BABAM1: variants seen among roughly 807,000 people sequenced by gnomAD.
The protein encoded by BABAM1 is BRISC and BRCA1 A complex member 1, also known as BRISC and BRCA1-A complex member 1.
BABAM1 carries 14 observed loss-of-function variants against 34.4 expected under a neutral mutation model. That is an observed-to-expected ratio of 0.41 (90% CI 0.27 to 0.64). BABAM1 has a LOEUF of 0.64. Ranked by LOEUF, BABAM1 falls within the 30% of genes least tolerant of loss-of-function variation. The pLI is 0.34. For missense variants in BABAM1, 393 were observed against 434.0 expected (o/e 0.91, Z 0.84); for synonymous variants, 169 against 165.8 (o/e 1.02, Z -0.15).
rs2073947091 is a variant in BABAM1 at position 17,279,319 on chromosome 19, A to T, written c.*271A>T. ...CTGTGTGATTTTTGCCATCAAAATA[A>T]AAATTTGAGACTCGTTAACCGAAGT... On this transcript the variant is annotated 3_prime_UTR_variant, in exon 9 of 9. Coordinates refer to ENST00000598188, the MANE Select transcript of BABAM1 (RefSeq NM_014173.4). The T allele has an allele frequency of 2.5e-6, 1 of 397,872 alleles. No homozygotes were observed. The highest frequency in any genetic ancestry group is 4.5e-6 in the Non-Finnish European group (1 of 219,996). 24.6% of individuals were successfully genotyped at this position (397,872 alleles called of 1,614,324 possible). A position where few individuals can be genotyped will look rare whatever the true frequency, so the allele number is the denominator to read the frequency against.
chr19:17,278,397 CT>C (rs1270868603), intron 8 of BABAM1, among the ~76,000 whole-genome samples: 2 of 150,114 alleles, frequency 1.3e-5, no homozygotes, highest in African/African-American at 4.9e-5. Context: ...CCAGCTCCGC[CT>C]CCCGGGTTTG....
rs1258570057 is a variant in BABAM1, at chr19:17,268,950, C to G, written c.144C>G (p.Arg48=). The G allele has an allele frequency of 6.3e-7, 1 of 1,575,040 alleles. No homozygotes were observed. Among genetic ancestry groups the G allele is most frequent in the East Asian group, 2.3e-5 (1 of 42,566 alleles). ...GGGCACAGGCCAGCGTGGGCAGCCG[C>G]AGCGAGGGTGAGGGTGAGGCCGCCA... ...AVGAQASVGS[R]SEGEGEAASA... The change falls in exon 2 of 9, where the codon CGC becomes CGG. Residue 48 remains arginine, a synonymous_variant. Coordinates refer to ENST00000598188, the MANE Select transcript of BABAM1 (RefSeq NM_014173.4).
chr19:17,277,740 G>A (rs775942168), intron 8 of BABAM1, among the ~76,000 whole-genome samples: 10 of 152,182 alleles, frequency 6.6e-5, no homozygotes, highest in Non-Finnish European at 1.2e-4. Context: ...CTAGCCAGGC[G>A]TGGTGGTGTA....
In BABAM1 at chr19:17,274,010, G is replaced by C. The variant is rs533740745; in HGVS notation, c.451G>C (p.Asp151His). ...CGAGTTTGCACTGGTGGTGGTGAAC[G>C]ATGACACGGCCTGGGTGAGGCTGCG... ...SHEFALVVVN[D>H]DTAWLSGLTS... is the part of the protein sequence containing the mutation. Residue 151 changes from aspartate to histidine, a missense_variant, in exon 4 of 9, where the codon GAT (aspartate) becomes CAT (histidine). By Grantham distance (81) the Asp-to-His change is moderately conservative (BLOSUM62 -1). Coordinates refer to ENST00000598188, the MANE Select transcript of BABAM1 (RefSeq NM_014173.4). 1 of 1,613,950 alleles carries C rather than the reference G, an allele frequency of 6.2e-7. No homozygotes were observed.
chr19:17,273,389 G>A (rs1279144991), intron 3 of BABAM1, among the ~76,000 whole-genome samples: 1 of 152,120 alleles, frequency 6.6e-6, no homozygotes, highest in African/African-American at 2.4e-5. Context: ...GGAAACTTGA[G>A]CCCCATGCTG....
At chr19:17,269,571 G>T (rs1480141155) in intron 2 of BABAM1, among the ~76,000 whole-genome samples, 1 of 151,888 alleles carries the variant, frequency 6.6e-6, no homozygotes, top group African/African-American at 2.4e-5. Flanking sequence ...GGCTGGTCTC[G>T]AACTCTTGAC....
At chr19:17,271,192 G>A (rs192834861) in intron 2 of BABAM1, among the ~76,000 whole-genome samples, 1 of 152,130 alleles carries the variant, frequency 6.6e-6, no homozygotes, top group East Asian at 1.9e-4. Context: ...GTTTCACCAT[G>A]TTGGCCAGGC....
At position 17,276,855 on chromosome 19, in the gene BABAM1, C is replaced by T. The variant is rs751463325; in HGVS notation, c.732C>T (p.Asp244=). ...KMFQCPYFFF[D]VVYIHNGTEE... Reference sequence around the variant, plus strand: ...TCCAGTGCCCATATTTCTTCTTTGACGTTGTTTACATCCACAATGGCACTG... The same window carrying T: ...TCCAGTGCCCATATTTCTTCTTTGATGTTGTTTACATCCACAATGGCACTG... Residue 244 remains aspartate, a synonymous_variant, in exon 8 of 9, where the codon GAC becomes GAT. Coordinates refer to ENST00000598188, the MANE Select transcript of BABAM1 (RefSeq NM_014173.4). 37 of 1,605,192 alleles carry T rather than the reference C, an allele frequency of 2.3e-5. No individual in the cohort carries two copies. Among genetic ancestry groups the T allele is most frequent in the Non-Finnish European group, 2.8e-5 (33 of 1,175,898 alleles).
At chr19:17,274,388 T>C (rs2073883542) in intron 5 of BABAM1, 1 of 636,678 alleles carries the variant, frequency 1.6e-6, no homozygotes. Context: ...ATGGAGATGC[T>C]GTAACAATAC....
chr19:17,275,834 C>T lies in BABAM1; in HGVS notation c.569+9C>T, dbSNP rs770504261. ...GGACTTTTCAGCCTCATGTAAGTCC[C>T]CTGTGGGGAAATTCTTATTCACCTT... On this transcript the variant is annotated intron_variant, in intron 6 of 8. Transcript: ENST00000598188. 3.7e-6 allele frequency: 6 copies of T among 1,612,800 alleles called. No homozygotes were observed. The highest frequency in any genetic ancestry group is 1.7e-4 in the Middle Eastern group (1 of 6,030).
chr19:17,274,090 C>T lies in BABAM1; in HGVS notation c.466-17C>T, dbSNP rs772828414. 6.8e-6 allele frequency: 11 copies of T among 1,613,680 alleles called. No homozygotes were observed. Among genetic ancestry groups the T allele is most frequent in the Middle Eastern group, 1.6e-4 (1 of 6,070 alleles). The stretch of plus-strand genomic sequence containing the variant: ...GGGCCCGGGGAGCATCGCACTGAGG[C>T]CTCTGCTTCCCTGCAGCTGTCTGGC... On this transcript the variant is annotated splice_polypyrimidine_tract_variant and intron_variant, in intron 4 of 8. Transcript: ENST00000598188.
At chr19:17,268,371 G>A (rs886121847) in intron 1 of BABAM1, among the ~76,000 whole-genome samples, 5 of 151,916 alleles carry the variant, frequency 3.3e-5, no homozygotes, top group Non-Finnish European at 1.5e-5. Context: ...TCCCTAAGAG[G>A]AGTGACTCAT....
chr19:17,271,005 T>C (rs1233151375), intron 2 of BABAM1, among the ~76,000 whole-genome samples: 1 of 150,880 alleles, frequency 6.6e-6, no homozygotes, highest in Non-Finnish European at 1.5e-5. Context: ...TTTTTTTTTT[T>C]TGAGACAGAG....
intron 3 of BABAM1, among the ~76,000 whole-genome samples, chr19:17,273,691 T>G (rs1381011285): frequency 6.6e-6 from 1 of 151,246 alleles, no homozygotes; most frequent in African/African-American, 2.4e-5. Flanking sequence ...GCCTCCTGAG[T>G]AGCTGGGATT....
At position 17,271,093 on chromosome 19, in the gene BABAM1, A is replaced by G. The variant is rs766255215; in HGVS notation, c.286-504A>G. ...AACCTCCACCTCCCGGGTTCAAGCA[A>G]TTCTCTTGGTTTAGCCTCCTGAGTA... is the stretch of plus-strand genomic sequence containing the variant. On this transcript the variant is annotated intron_variant, in intron 2 of 8. Transcript: ENST00000598188. Among the ~76,000 whole-genome samples the G allele has an allele frequency of 4.5e-4, 68 of 151,550 alleles. 2 individuals carry two copies. The highest frequency in any genetic ancestry group is 5.8e-4 in the East Asian group (3 of 5,166).
At chr19:17,278,492 G>A (rs964955510) in intron 8 of BABAM1, among the ~76,000 whole-genome samples, 12 of 151,986 alleles carry the variant, frequency 7.9e-5, no homozygotes, top group Non-Finnish European at 1.8e-4. Context: ...GTATTTTTTA[G>A]TAGAGACGGG....
rs778377936 is a variant in BABAM1, at chr19:17,278,836, C to T, written c.787-9C>T. The T allele has an allele frequency of 7.1e-5, 115 of 1,609,546 alleles. No homozygotes were observed. The highest frequency in any genetic ancestry group is 9.3e-5 in the Non-Finnish European group (109 of 1,178,124). On this transcript the variant is annotated splice_polypyrimidine_tract_variant and intron_variant, in intron 8 of 8. Coordinates refer to ENST00000598188, the MANE Select transcript of BABAM1 (RefSeq NM_014173.4). The stretch of plus-strand genomic sequence containing the variant: ...AACAGCCCTTCACTGACCCCCGCCT[C>T]CCCGGCAGGATATGTTTGCCTTCAT...
At chr19:17,277,917 CTGT>C in intron 8 of BABAM1, among the ~76,000 whole-genome samples, 1 of 151,480 alleles carries the variant, frequency 6.6e-6, no homozygotes, top group East Asian at 2.0e-4. Flanking sequence ...TGGCTCACAC[CTGT>C]AATCCCAGCA....
In BABAM1 at chr19:17,279,134, C is replaced by T. The variant is rs145017608; in HGVS notation, c.*86C>T. 5.0e-5 allele frequency: 71 copies of T among 1,428,054 alleles called. No homozygotes were observed. The African/African-American group carries it at 5.5e-4, about 11-fold the overall frequency. 88.5% of individuals were successfully genotyped at this position (1,428,054 alleles called of 1,614,324 possible). A position where few individuals can be genotyped will look rare whatever the true frequency, so the allele number is the denominator to read the frequency against. ...CTCAAACTGGGTTCCTTGGGACCTC[C>T]GGGGTGGGGGGGTTCCAGGAGGCAC... On this transcript the variant is annotated 3_prime_UTR_variant, in exon 9 of 9. Coordinates refer to ENST00000598188, the MANE Select transcript of BABAM1 (RefSeq NM_014173.4).
Sources: gnomAD v4.1 joint callset for allele counts (sites outside exome capture counted in the v4.1 genomes callset) on GRCh38, gnomAD v4.1.1 for gene constraint, MANE v1.5 for transcripts, NCBI Gene and HGNC (gene_info 2026-07-23, HGNC 2026-07-21) for gene names.